Variants in MTMR12 observed in about 807,000 individuals in gnomAD.
The protein encoded by MTMR12 is myotubularin related protein 12.
A neutral mutation model predicts 96.7 loss-of-function variants in MTMR12; 33 were observed. The observed-to-expected ratio is 0.34, with a 90% CI of 0.26 to 0.46. The LOEUF (loss-of-function observed/expected upper bound fraction) is 0.46. MTMR12 is among the 20% of genes least tolerant of loss of function. MTMR12 has a pLI of 1.00. For synonymous variants in MTMR12, 298 were observed against 327.2 expected, an observed-to-expected ratio of 0.91 and a Z score of 0.96; for missense variants, 721 against 896.1, an observed-to-expected ratio of 0.80 and a Z score of 2.49.
In MTMR12 at chr5:32,239,097, T is replaced by A; in HGVS notation, c.1248A>T (p.Arg416Ser). Residue 416 changes from arginine (R) to serine (S), a missense_variant, in exon 13 of 16, where the codon AGA becomes AGT. Coordinates refer to ENST00000382142, the MANE Select transcript of MTMR12 (RefSeq NM_001040446.3). ...QLMMDPHCRT[R>S]IGFQSLIQKE... is the part of the protein sequence containing the mutation. ...TTTGGATGAGGCTCTGGAAACCAAT[T>A]CTGGTTCTGCAGTGGGGGTCCATCA... is the stretch of plus-strand genomic sequence containing the variant. 1 of 1,609,924 alleles carries A rather than the reference T, an allele frequency of 6.2e-7. No homozygotes were observed. Among genetic ancestry groups the A allele is most frequent in the South Asian group, 1.1e-5 (1 of 89,508 alleles).
At position 32,228,714 on chromosome 5, in the gene MTMR12, A is replaced by G. The variant is rs2111965453; in HGVS notation, c.*1064T>C. The G allele has an allele frequency of 6.6e-6, 1 of 150,810 alleles. No homozygotes were observed. Among genetic ancestry groups the G allele is most frequent in the South Asian group, 2.1e-4 (1 of 4,772 alleles). 9.3% of individuals were successfully genotyped at this position (150,810 alleles called of 1,614,324 possible). ...GTCAAGTTTCTTCTATGGCTTTTAA[A>G]ATCACTGAGGTATCATATGATAATC... On this transcript the variant is annotated 3_prime_UTR_variant, in exon 16 of 16. Transcript: ENST00000382142.
At position 32,228,600 on chromosome 5, in the gene MTMR12, A is replaced by ATAT. The variant is rs1195288296; in HGVS notation, c.*1175_*1177dup. On this transcript the variant is annotated 3_prime_UTR_variant, in exon 16 of 16. Transcript: ENST00000382142. ...TATATCATATATATGTGATATATAT[A>ATAT]TATATATCATATATATGATATATAT... The ATAT allele has an allele frequency of 4.2e-5, 5 of 118,130 alleles. No homozygotes were observed. In the Admixed American group the frequency reaches 4.4e-4, roughly 10 times the overall value. 7.3% of individuals were successfully genotyped at this position (118,130 alleles called of 1,614,324 possible). A position where few individuals can be genotyped will look rare whatever the true frequency, so the allele number is the denominator to read the frequency against.
intron 6 of MTMR12, 102 bp from the exon 7 acceptor site, chr5:32,263,344 C>T: frequency 2.2e-6 from 3 of 1,390,262 alleles, no homozygotes; most frequent in Non-Finnish European, 3.0e-6. Context: ...CTCCACTAAG[C>T]CCATTTTTAT....
chr5:32,308,791 G>C (rs904963016), intron 1 of MTMR12, among the ~76,000 whole-genome samples: 1 of 152,000 alleles, frequency 6.6e-6, no homozygotes. Flanking sequence ...TTTTAGTAGA[G>C]ACGGGGTTTC....
chr5:32,256,923 C>T (rs1382851952), intron 7 of MTMR12, among the ~76,000 whole-genome samples: 1 of 152,172 alleles, frequency 6.6e-6, no homozygotes, highest in Non-Finnish European at 1.5e-5. Context: ...ACAAACCTAC[C>T]AATCTCATTT....
At chr5:32,263,267 A>G (rs750998294) in intron 6 of MTMR12, 25 bp from the exon 7 acceptor site, 4 of 1,612,186 alleles carry the variant, frequency 2.5e-6, no homozygotes, top group East Asian at 4.5e-5. Context: ...TGTAAAAGAC[A>G]ATAAAATCTT....
chr5:32,231,456 G>A (rs1255971380), intron 15 of MTMR12, among the ~76,000 whole-genome samples: 1 of 150,784 alleles, frequency 6.6e-6, no homozygotes, highest in Non-Finnish European at 1.5e-5. Context: ...AGTGCCCAAA[G>A]CAGAAGTAAA....
chr5:32,298,223 T>C (rs944289974), intron 1 of MTMR12, among the ~76,000 whole-genome samples: 7 of 152,092 alleles, frequency 4.6e-5, no homozygotes, highest in South Asian at 4.2e-4. Context: ...TGGTAGGTGG[T>C]TGCATGCACC....
chr5:32,230,196 A>G lies in MTMR12; in HGVS notation c.1826T>C (p.Phe609Ser), dbSNP rs6891496. The G allele has an allele frequency of 1.0e-3, 1,655 of 1,614,214 alleles. 20 individuals are homozygous for G. In the African/African-American group the frequency reaches 0.02, roughly 19 times the overall value. ...INSSDELQDN[F>S]REFYDSWHSK... is the part of the protein sequence containing the mutation. Reference sequence around the variant, plus strand: ...ATGCCAGCTGTCATAGAACTCTCGAAAGTTGTCTTGGAGCTCATCAGAAGA... The same window carrying G: ...ATGCCAGCTGTCATAGAACTCTCGAGAGTTGTCTTGGAGCTCATCAGAAGA... Residue 609 changes from phenylalanine to serine, a missense_variant, in exon 16 of 16, where the codon TTT (phenylalanine) becomes TCT (serine). By Grantham distance (155) the Phe-to-Ser change is radical (BLOSUM62 -2). Transcript: ENST00000382142.
intron 1 of MTMR12, among the ~76,000 whole-genome samples, chr5:32,293,196 T>G (rs1283102382): frequency 6.6e-6 from 1 of 152,212 alleles, no homozygotes; most frequent in Non-Finnish European, 1.5e-5. Flanking sequence ...GAGTGTCAAC[T>G]TGATTGAATT....
At chr5:32,264,053 T>C (rs888088551) in intron 6 of MTMR12, among the ~76,000 whole-genome samples, 1 of 152,204 alleles carries the variant, frequency 6.6e-6, no homozygotes, top group Non-Finnish European at 1.5e-5. Flanking sequence ...AAACAGATGA[T>C]GGCCATGGTG....
At chr5:32,294,289 C>A (rs1030041593) in intron 1 of MTMR12, among the ~76,000 whole-genome samples, 2 of 152,064 alleles carry the variant, frequency 1.3e-5, no homozygotes, top group African/African-American at 4.8e-5. Flanking sequence ...GCCTCCAGAA[C>A]AGCACTTTTC....
chr5:32,245,007 A>G (rs1748625484), intron 10 of MTMR12, among the ~76,000 whole-genome samples: 1 of 152,170 alleles, frequency 6.6e-6, no homozygotes, highest in Non-Finnish European at 1.5e-5. Context: ...AACTGAAAAA[A>G]AAAAATGTGT....
chr5:32,262,937 G>A (rs1749423259), intron 7 of MTMR12, among the ~76,000 whole-genome samples, 176 bp downstream of exon 7: 1 of 152,212 alleles, frequency 6.6e-6, no homozygotes, highest in Non-Finnish European at 1.5e-5. Flanking sequence ...AAGAAAGAGA[G>A]GTATTCGGGG....
chr5:32,281,327 TAAACTAAATTGACTCTACTC>T (rs1270097289), intron 1 of MTMR12, among the ~76,000 whole-genome samples: 4 of 151,512 alleles, frequency 2.6e-5, no homozygotes, highest in Non-Finnish European at 5.9e-5. Flanking sequence ...TTTCCCATAT[TAAACTAAATTGACTCTACTC>T]AGGCTCACAA....
intron 8 of MTMR12, among the ~76,000 whole-genome samples, chr5:32,255,165 C>T (rs1749088429): frequency 6.6e-6 from 1 of 152,176 alleles, no homozygotes; most frequent in African/African-American, 2.4e-5. Context: ...TACTAAATAC[C>T]CTGCAGGCCT....
chr5:32,275,901 C>G (rs965715130), intron 2 of MTMR12, among the ~76,000 whole-genome samples: 5 of 152,230 alleles, frequency 3.3e-5, no homozygotes, highest in African/African-American at 1.2e-4. Context: ...GAAACTTGCA[C>G]AGATTTATAT....
Position 32,233,700 on chromosome 5 carries a change from C to G in MTMR12, c.1674+73G>C. 1 of 1,595,764 alleles carries G rather than the reference C, an allele frequency of 6.3e-7. No individual in the cohort carries two copies. The highest frequency in any genetic ancestry group is 1.1e-5 in the South Asian group (1 of 88,976). On this transcript the variant is annotated intron_variant, in intron 15 of 15. Transcript: ENST00000382142. The surrounding 1 kb of genome is among the most constrained non-coding windows in gnomAD (Gnocchi z 5.0). The stretch of plus-strand genomic sequence containing the variant: ...GTAGAAAATGCTGGCAGACAGAATC[C>G]GTAAGTACCTTTTATCATTACATGC...
rs995365730 is a variant in MTMR12 at position 32,312,634 on chromosome 5, C to T, written c.81+124G>A. Reference sequence around the variant, plus strand: ...CCTGCGGCCTCAGCCCGCCTGGCTGCCCCGTCGCCCGGCACAAGGGCAGGA... The same window carrying T: ...CCTGCGGCCTCAGCCCGCCTGGCTGTCCCGTCGCCCGGCACAAGGGCAGGA... On this transcript the variant is annotated intron_variant, in intron 1 of 15. Transcript: ENST00000382142. This position sits in a 1 kb window ranked among gnomAD's most constrained non-coding sequence, Gnocchi z 5.0. 1.3e-4 allele frequency: 122 copies of T among 910,984 alleles called. No homozygotes were observed. The highest frequency in any genetic ancestry group is 1.7e-4 in the Non-Finnish European group (122 of 706,966). 56.4% of individuals were successfully genotyped at this position (910,984 alleles called of 1,614,324 possible).
Sources: allele counts gnomAD v4.1 joint callset (sites outside exome capture counted in the v4.1 genomes callset), GRCh38; gene constraint gnomAD v4.1.1; non-coding constraint Gnocchi (gnomAD v3.1); transcripts MANE v1.5; gene names NCBI Gene and HGNC (gene_info 2026-07-23, HGNC 2026-07-21).